Variants in NUP210 observed in about 807,000 individuals in gnomAD.
NUP210 encodes nuclear pore membrane glycoprotein 210.
Under a neutral mutation model 196.0 loss-of-function variants are expected in NUP210, and 151 were observed. The ratio of observed to expected loss-of-function variants is 0.77; its 90% CI spans 0.67 to 0.88. The LOEUF is 0.88. NUP210 is among the 40% of genes least tolerant of loss of function. The pLI is 0.00. For missense variants in NUP210, 2,314 were observed against 2,493.7 expected (o/e 0.93, Z 1.53); for synonymous variants, 1,070 against 1,052.7 (o/e 1.02, Z -0.32).
intron 32 of NUP210, among the ~76,000 whole-genome samples, chr3:13,326,952 C>T (rs1383831304): frequency 6.6e-6 from 1 of 152,276 alleles, no homozygotes; most frequent in Admixed American, 6.5e-5. Flanking sequence ...TATGACCACA[C>T]AATCTGGCAG....
rs756574629 is a variant in NUP210 at position 13,323,329 on chromosome 3, T to C, written c.4748A>G (p.Asp1583Gly). Residue 1583 changes from aspartate to glycine, a missense_variant, in exon 34 of 40, where the codon GAC becomes GGC. Asp to Gly is a moderately conservative substitution (Grantham distance 94). Transcript: ENST00000254508. The surrounding 1 kb of genome is among the most constrained non-coding windows in gnomAD (Gnocchi z 4.3). The part of the protein sequence containing the change: ...TASKVIVAVG[D>G]RSSNLRGECT... ...AGTACCTCTCAGGTTAGAGCTTCTG[T>C]CTCCCACGGCAACAATCACTTTGGA... 2 of 1,614,034 alleles carry C rather than the reference T, an allele frequency of 1.2e-6. No homozygotes were observed. The highest frequency in any genetic ancestry group is 1.7e-6 in the Non-Finnish European group (2 of 1,179,998).
At chr3:13,332,424 G>A (rs974209971) in intron 28 of NUP210, 40 bp from the exon 29 acceptor site, 1 of 1,496,344 alleles carries the variant, frequency 6.7e-7, no homozygotes, top group Non-Finnish European at 9.3e-7. Flanking sequence ...TGGGGCACTG[G>A]AGTCACATTC....
intron 2 of NUP210, 58 bp downstream of exon 2, chr3:13,399,667 T>C (rs1406332680): frequency 9.3e-6 from 15 of 1,611,486 alleles, no homozygotes; most frequent in African/African-American, 1.3e-5. Flanking sequence ...TGGGTCTTAG[T>C]GGGCGTTTCC....
intron 11 of NUP210, among the ~76,000 whole-genome samples, chr3:13,374,707 G>A (rs1312844050): frequency 6.6e-6 from 1 of 152,172 alleles, no homozygotes; most frequent in African/African-American, 2.4e-5. Flanking sequence ...CAAGCTCCCA[G>A]CACACACCCC....
At chr3:13,415,585 G>GT (rs1388394475) in intron 1 of NUP210, among the ~76,000 whole-genome samples, 1 of 152,200 alleles carries the variant, frequency 6.6e-6, no homozygotes, top group Non-Finnish European at 1.5e-5. Flanking sequence ...AGAAGTACAG[G>GT]TGTGGGCTCA....
chr3:13,419,750 G>T (rs1341277515), intron 1 of NUP210, among the ~76,000 whole-genome samples: 2 of 151,994 alleles, frequency 1.3e-5, no homozygotes, highest in Non-Finnish European at 2.9e-5. Context: ...GCCGGCTTGG[G>T]CCCTGCGGTC....
intron 1 of NUP210, among the ~76,000 whole-genome samples, chr3:13,419,336 T>C (rs946302354): frequency 2.6e-5 from 4 of 152,200 alleles, no homozygotes; most frequent in Admixed American, 6.5e-5. Context: ...AGGGCTGGAC[T>C]GCACCGCCCT....
At chr3:13,386,848 C>T (rs1487759758) in intron 5 of NUP210, among the ~76,000 whole-genome samples, 1 of 152,178 alleles carries the variant, frequency 6.6e-6, no homozygotes, top group African/African-American at 2.4e-5. Context: ...GCTGCTATTC[C>T]TTGACCCCTT....
chr3:13,317,636 C>A lies in NUP210; in HGVS notation c.*45G>T. 1 of 1,371,682 alleles carries A rather than the reference C, an allele frequency of 7.3e-7. No individual in the cohort carries two copies. The highest frequency in any genetic ancestry group is 1.0e-6 in the Non-Finnish European group (1 of 981,274). 85.0% of individuals were successfully genotyped at this position (1,371,682 alleles called of 1,614,324 possible). A position where few individuals can be genotyped will look rare whatever the true frequency, so the allele number is the denominator to read the frequency against. On this transcript the variant is annotated 3_prime_UTR_variant, in exon 40 of 40. Transcript: ENST00000254508. The stretch of plus-strand genomic sequence containing the variant: ...GCAGGGATGTTCCATCTTGGGGGTG[C>A]ACGAGGCTCGGCTGAGACCCATCCT...
intron 4 of NUP210, 24 bp from the exon 5 acceptor site, chr3:13,388,477 A>T: frequency 6.3e-7 from 1 of 1,581,104 alleles, no homozygotes; most frequent in Non-Finnish European, 8.6e-7. Flanking sequence ...ACGTTGTCAA[A>T]GTTTGTTGAT....
chr3:13,342,137 A>G lies in NUP210; in HGVS notation c.2965-14T>C. On this transcript the variant is annotated splice_polypyrimidine_tract_variant and intron_variant, in intron 21 of 39. Transcript: ENST00000254508. The stretch of plus-strand genomic sequence containing the variant: ...CCCAATCTCCACCTGCATCATGGGG[A>G]CAGAGGTTCAGGGGCAGCCTCCAAA... 6.2e-7 allele frequency: 1 copy of G among 1,613,824 alleles called. No homozygotes were observed. The highest frequency in any genetic ancestry group is 8.5e-7 in the Non-Finnish European group (1 of 1,179,834).
chr3:13,399,672 G>T (rs771343862), intron 2 of NUP210, 53 bp downstream of exon 2: 1 of 1,611,854 alleles, frequency 6.2e-7, no homozygotes. Flanking sequence ...CTTAGTGGGC[G>T]TTTCCCTGTC....
At chr3:13,357,317 C>T (rs1017735884) in intron 16 of NUP210, among the ~76,000 whole-genome samples, 2 of 152,198 alleles carry the variant, frequency 1.3e-5, no homozygotes, top group Non-Finnish European at 2.9e-5. Flanking sequence ...AGCCCCACTC[C>T]GCTCCTCCTG....
At chr3:13,412,393 ATTC>A (rs1700207237) in intron 1 of NUP210, among the ~76,000 whole-genome samples, 1 of 151,402 alleles carries the variant, frequency 6.6e-6, no homozygotes, top group African/African-American at 2.4e-5. Context: ...TATTAAATGG[ATTC>A]TTCTTTACTA....
chr3:13,390,503 C>G (rs984135136), intron 4 of NUP210, among the ~76,000 whole-genome samples: 4 of 152,216 alleles, frequency 2.6e-5, no homozygotes, highest in African/African-American at 7.2e-5. Context: ...GTGCAGTGAG[C>G]CATTGACAGG....
intron 9 of NUP210, among the ~76,000 whole-genome samples, 195 bp from the exon 10 acceptor site, chr3:13,376,626 C>T (rs765635531): frequency 1.3e-5 from 2 of 152,178 alleles, no homozygotes; most frequent in Non-Finnish European, 2.9e-5. Flanking sequence ...TGGCCTTTGT[C>T]CCCACCGAGG....
intron 1 of NUP210, among the ~76,000 whole-genome samples, chr3:13,410,609 C>A (rs755886975): frequency 1.5e-4 from 23 of 150,460 alleles, no homozygotes; most frequent in Non-Finnish European, 2.8e-4. Context: ...AACAGTGAGA[C>A]CCCATTTCTA....
chr3:13,353,431 TG>T (rs771828950), intron 18 of NUP210, 122 bp downstream of exon 18: 212 of 759,272 alleles, frequency 2.8e-4, no homozygotes, highest in Non-Finnish European at 4.1e-4. Flanking sequence ...GAGGCTGGGG[TG>T]GGGGAGTGGT....
At chr3:13,373,574 T>G in intron 12 of NUP210, 144 bp downstream of exon 12, 1 of 746,668 alleles carries the variant, frequency 1.3e-6, no homozygotes, top group East Asian at 2.7e-5. Context: ...CGTGAGCTCC[T>G]AAGGGAAGGG....
Sources: allele counts gnomAD v4.1 joint callset (sites outside exome capture counted in the v4.1 genomes callset), GRCh38; gene constraint gnomAD v4.1.1; non-coding constraint Gnocchi (gnomAD v3.1); transcripts MANE v1.5; gene names NCBI Gene and HGNC (gene_info 2026-07-23, HGNC 2026-07-21).